ERBB4: variants seen among roughly 807,000 people sequenced by gnomAD.
The protein encoded by ERBB4 is erb-b2 receptor tyrosine kinase 4, also known as receptor tyrosine-protein kinase erbB-4.
Under a neutral mutation model 158.0 loss-of-function variants are expected in ERBB4, and 42 were observed. That is an observed-to-expected ratio of 0.27 (90% CI 0.21 to 0.34). The LOEUF is 0.34. ERBB4 is among the 10% of genes least tolerant of loss of function. ERBB4 has a pLI of 1.00. For synonymous variants in ERBB4, 583 were observed against 558.7 expected, an observed-to-expected ratio of 1.04 and a Z score of -0.61; for missense variants, 1,333 against 1,624.1, an observed-to-expected ratio of 0.82 and a Z score of 3.08.
At chr2:211,552,588 T>C (rs1178030026) in intron 20 of ERBB4, among the ~76,000 whole-genome samples, 1 of 152,032 alleles carries the variant, frequency 6.6e-6, no homozygotes, top group Non-Finnish European at 1.5e-5. Context: ...ACCTTACATC[T>C]GAGTTTAACC....
At chr2:212,145,012 T>C (rs1323923159) in intron 1 of ERBB4, among the ~76,000 whole-genome samples, 1 of 152,212 alleles carries the variant, frequency 6.6e-6, no homozygotes, top group African/African-American at 2.4e-5. Context: ...AAGCTTTATG[T>C]GTAATTGAAT....
intron 20 of ERBB4, among the ~76,000 whole-genome samples, chr2:211,487,066 A>AT (rs369389580): frequency 0.012 from 1,823 of 151,722 alleles, 40 homozygotes; most frequent in African/African-American, 0.042. Flanking sequence ...TTACATATGT[A>AT]TACATGTGCC....
intron 12 of ERBB4, among the ~76,000 whole-genome samples, chr2:211,700,634 T>C (rs1385491411): frequency 6.6e-6 from 1 of 152,190 alleles, no homozygotes; most frequent in Admixed American, 6.5e-5. Flanking sequence ...ATTAATTCAC[T>C]GACAACTCAA....
At chr2:212,293,947 CAGAG>C (rs1424063726) in intron 1 of ERBB4, among the ~76,000 whole-genome samples, 3 of 150,574 alleles carry the variant, frequency 2.0e-5, no homozygotes, top group Admixed American at 6.6e-5. Context: ...GAACTCTCTC[CAGAG>C]AGAGTCAACG....
At chr2:211,756,083 C>T (rs540456473) in intron 4 of ERBB4, among the ~76,000 whole-genome samples, 1 of 152,164 alleles carries the variant, frequency 6.6e-6, no homozygotes, top group African/African-American at 2.4e-5. Flanking sequence ...CTATGCTAAA[C>T]CAGTCCCTAT....
At chr2:212,363,636 T>C (rs1487912524) in intron 1 of ERBB4, among the ~76,000 whole-genome samples, 1 of 150,236 alleles carries the variant, frequency 6.7e-6, no homozygotes, top group East Asian at 1.9e-4. Flanking sequence ...AAGGCACCTG[T>C]TTGTTGCTTT....
chr2:211,468,945 A>G (rs2064766378), intron 20 of ERBB4, among the ~76,000 whole-genome samples: 1 of 149,850 alleles, frequency 6.7e-6, no homozygotes, highest in African/African-American at 2.4e-5. Context: ...CCTTAAAGGC[A>G]GAGAGTCCTG....
intron 4 of ERBB4, chr2:211,779,719 T>C (rs1479414862): frequency 6.6e-6 from 1 of 152,200 alleles, no homozygotes; most frequent in African/African-American, 2.4e-5. Flanking sequence ...GCTTTATGGC[T>C]GTCCACCACC....
chr2:211,600,721 G>A (rs2068773142), intron 19 of ERBB4, among the ~76,000 whole-genome samples: 1 of 152,202 alleles, frequency 6.6e-6, no homozygotes, highest in Admixed American at 6.5e-5. Flanking sequence ...ACACACAGTG[G>A]AAAATGGGGA....
chr2:212,105,192 C>T (rs945111648), intron 2 of ERBB4, among the ~76,000 whole-genome samples: 2 of 152,112 alleles, frequency 1.3e-5, no homozygotes, highest in South Asian at 4.1e-4. Flanking sequence ...CATTGAGTCA[C>T]CAGCTCCTAG....
At position 212,538,650 on chromosome 2, in the gene ERBB4, C is replaced by A. The variant is rs369864666; in HGVS notation, c.-120G>T. 2.2e-5 allele frequency: 22 copies of A among 1,009,774 alleles called. No individual in the cohort carries two copies. Among genetic ancestry groups the A allele is most frequent in the Non-Finnish European group, 3.3e-5 (22 of 666,834 alleles). 62.6% of individuals were successfully genotyped at this position (1,009,774 alleles called of 1,614,324 possible). On this transcript the variant is annotated 5_prime_UTR_variant, in exon 1 of 28. Coordinates refer to ENST00000342788, the MANE Select transcript of ERBB4 (RefSeq NM_005235.3). Reference sequence around the variant, plus strand: ...CGTGGGGGTGCGAGGGGGGCGGGCGCGGCGCGCGCGGTGTGGCGACTCCCA... The same window carrying A: ...CGTGGGGGTGCGAGGGGGGCGGGCGAGGCGCGCGCGGTGTGGCGACTCCCA...
At position 211,383,241 on chromosome 2, in the gene ERBB4, T is replaced by TAA; in HGVS notation, c.*373_*374insTT. On this transcript the variant is annotated 3_prime_UTR_variant, in exon 28 of 28. Coordinates refer to ENST00000342788, the MANE Select transcript of ERBB4 (RefSeq NM_005235.3). ...AGCATGGGTGTTTCAACCATCTGCT[T>TAA]TAAAAAAAAAAAAAAAAAAGAAGAG... 7.0e-6 allele frequency: 2 copies of TAA among 283,702 alleles called. No homozygotes were observed. Among genetic ancestry groups the TAA allele is most frequent in the African/African-American group, 2.6e-5 (1 of 39,012 alleles). The allele number at this position is 283,702 out of a possible 1,614,324, so 17.6% of individuals were successfully genotyped here. A position where few individuals can be genotyped will look rare whatever the true frequency, so the allele number is the denominator to read the frequency against.
intron 1 of ERBB4, among the ~76,000 whole-genome samples, chr2:212,482,272 A>C (rs1222232186): frequency 1.3e-5 from 2 of 152,220 alleles, no homozygotes; most frequent in African/African-American, 2.4e-5. Context: ...GAATGTGTTA[A>C]AGTCTGCAGA....
chr2:212,215,699 T>TA (rs879643647), intron 1 of ERBB4, among the ~76,000 whole-genome samples: 13 of 150,614 alleles, frequency 8.6e-5, no homozygotes, highest in African/African-American at 1.7e-4. Flanking sequence ...AATACTTTGC[T>TA]AAAAAAAAAT....
Position 211,677,956 on chromosome 2 carries a change from G to A in ERBB4, c.1622+1096C>T, listed in dbSNP as rs1381829573. 2.6e-5 allele frequency among the ~76,000 whole-genome samples: 4 copies of A among 152,052 alleles called. No individual in the cohort carries two copies. In the East Asian group the frequency reaches 7.7e-4, roughly 29 times the overall value. ...AGCAACATAAGAAAATTTGACTTAG[G>A]AGCAGTACTAAAAATACATTATAAC... On this transcript the variant is annotated intron_variant, in intron 13 of 27. Transcript: ENST00000342788.
intron 1 of ERBB4, among the ~76,000 whole-genome samples, chr2:212,305,878 A>G (rs2086791423): frequency 6.6e-6 from 1 of 151,448 alleles, no homozygotes; most frequent in South Asian, 2.1e-4. Context: ...ATATTCAAAA[A>G]TCAAAGTGGT....
At chr2:211,488,415 T>C (rs34940919) in intron 20 of ERBB4, among the ~76,000 whole-genome samples, 21,901 of 152,102 alleles carry the variant, frequency 0.14, 2,114 homozygotes, top group East Asian at 0.38. Context: ...GATATTGTCC[T>C]GCTCATCACT....
chr2:212,138,915 A>C (rs986907090), intron 1 of ERBB4, among the ~76,000 whole-genome samples: 2 of 152,122 alleles, frequency 1.3e-5, no homozygotes, highest in African/African-American at 2.4e-5. Flanking sequence ...TTTAATTCAG[A>C]AATTTGATAT....
At chr2:212,064,977 A>T (rs2077893919) in intron 2 of ERBB4, among the ~76,000 whole-genome samples, 1 of 148,026 alleles carries the variant, frequency 6.8e-6, no homozygotes, top group Non-Finnish European at 1.5e-5. Context: ...CCACCATAAC[A>T]ACATCTTTAT....
Sources: allele counts gnomAD v4.1 joint callset (sites outside exome capture counted in the v4.1 genomes callset), GRCh38; gene constraint gnomAD v4.1.1; transcripts MANE v1.5; gene names NCBI Gene and HGNC (gene_info 2026-07-23, HGNC 2026-07-21).